The following RASSF3 variants were observed in gnomAD, a reference collection of about 807,000 sequenced individuals.
RASSF3 encodes Ras association domain family member 3.
RASSF3 carries 19 observed loss-of-function variants against 19.9 expected under a neutral mutation model. That is an observed-to-expected ratio of 0.96 (90% CI 0.67 to 1.40). The LOEUF is 1.40. RASSF3 is among the 40% of genes most tolerant of loss of function. The probability of loss-of-function intolerance (pLI) is 0.00; values close to 1 mark genes in which losing one functional copy is unlikely to be tolerated. For synonymous variants in RASSF3, 110 were observed against 104.2 expected, an observed-to-expected ratio of 1.06 and a Z score of -0.34; for missense variants, 306 against 289.8, an observed-to-expected ratio of 1.06 and a Z score of -0.41.
In RASSF3 at chr12:64,541,673, G is replaced by T. The variant is rs183945414; in HGVS notation, c.160G>T (p.Glu54Ter). Residue 54 changes from glutamate (E) to a stop codon, truncating the protein, a stop_gained, in exon 2 of 2, where the codon GAA becomes TAA. Coordinates refer to the RASSF3 transcript ENST00000636333. LOFTEE classifies it high-confidence loss of function. Reference sequence around the variant, plus strand: ...CGTATCAAGCTGCATGCCGACTTCTGAAGTAAGATATTCAATCAAAAAGAA... The same window carrying T: ...CGTATCAAGCTGCATGCCGACTTCTTAAGTAAGATATTCAATCAAAAAGAA... 2.5e-5 allele frequency: 10 copies of T among 398,602 alleles called. No individual in the cohort carries two copies. The highest frequency in any genetic ancestry group is 1.6e-4 in the African/African-American group (8 of 48,750). 24.7% of individuals were successfully genotyped at this position (398,602 alleles called of 1,614,324 possible).
rs550154507 is a variant in RASSF3, at chr12:64,643,543, G to A, written c.111+32800G>A. On this transcript the variant is annotated intron_variant, in intron 1 of 4. Coordinates refer to ENST00000542104, the MANE Select transcript of RASSF3 (RefSeq NM_178169.4). Reference sequence around the variant, plus strand: ...AGCCTGGGCAACCTAGTGAGACCCCGTCTCTTAAAAAAAAAATAAAACCCC... The same window carrying A: ...AGCCTGGGCAACCTAGTGAGACCCCATCTCTTAAAAAAAAAATAAAACCCC... Among the ~76,000 whole-genome samples the A allele has an allele frequency of 4.4e-3, 657 of 150,758 alleles. 7 individuals carry two copies. Among genetic ancestry groups the A allele is most frequent in the African/African-American group, 0.016 (637 of 40,922 alleles).
At chr12:64,514,456 A>ATCTG (rs1024307812) in intron 1 of RASSF3, among the ~76,000 whole-genome samples, 19 of 152,070 alleles carry the variant, frequency 1.2e-4, no homozygotes, top group African/African-American at 4.1e-4. Flanking sequence ...AAGTGCTGAG[A>ATCTG]TTACAGGCGT....
intron 2 of RASSF3, among the ~76,000 whole-genome samples, chr12:64,601,923 C>G (rs1011351987): frequency 3.3e-5 from 5 of 151,912 alleles, no homozygotes; most frequent in African/African-American, 1.2e-4. Context: ...CAAGACCATC[C>G]TGGCTAACAA....
chr12:64,532,668 A>C (rs1868738239), upstream of RASSF3, among the ~76,000 whole-genome samples: 1 of 151,228 alleles, frequency 6.6e-6, no homozygotes, highest in Non-Finnish European at 1.5e-5. Flanking sequence ...ACCAAAAAAA[A>C]AAAAATTTTT....
At chr12:64,521,962 TG>T (rs1868487536) in intron 1 of RASSF3, among the ~76,000 whole-genome samples, 2 of 152,200 alleles carry the variant, frequency 1.3e-5, no homozygotes, top group Non-Finnish European at 2.9e-5. Context: ...TCTGCTGGCT[TG>T]GTTGATTCAT....
intron 1 of RASSF3, among the ~76,000 whole-genome samples, chr12:64,617,319 CAATT>C (rs1310044980): frequency 6.6e-6 from 1 of 152,132 alleles, no homozygotes; most frequent in Admixed American, 6.5e-5. Context: ...ATTTAGTTGA[CAATT>C]TATTGTGTGC....
chr12:64,508,861 A>G (rs927407321), intron 1 of RASSF3, among the ~76,000 whole-genome samples: 10 of 151,840 alleles, frequency 6.6e-5, no homozygotes, highest in Non-Finnish European at 1.0e-4. Context: ...ACTCCAGCCT[A>G]GGCAACAAGA....
chr12:64,554,033 A>G (rs1869211516), intron 2 of RASSF3, among the ~76,000 whole-genome samples: 1 of 151,776 alleles, frequency 6.6e-6, no homozygotes, highest in South Asian at 2.1e-4. Context: ...GGTTAGGACT[A>G]TGCACTTTTG....
At chr12:64,676,728 C>T (rs572217394) in intron 1 of RASSF3, among the ~76,000 whole-genome samples, 1 of 151,800 alleles carries the variant, frequency 6.6e-6, no homozygotes, top group South Asian at 2.1e-4. Context: ...ACCTTGGGCT[C>T]CCAAAATGCT....
intron 1 of RASSF3, among the ~76,000 whole-genome samples, chr12:64,520,553 CACATATATATATATATATAT>C (rs1565831356): frequency 9.8e-5 from 3 of 30,466 alleles, no homozygotes; most frequent in South Asian, 1.5e-3. Context: ...CACACATACA[CACATATATATATATATATAT>C]ATATATATAT....
upstream of RASSF3, among the ~76,000 whole-genome samples, chr12:64,528,643 GA>G (rs1193537985): frequency 6.6e-6 from 1 of 152,188 alleles, no homozygotes; most frequent in Non-Finnish European, 1.5e-5. Flanking sequence ...GGCTACAAAG[GA>G]AACCTCCCTT....
At chr12:64,646,746 ATT>A (rs5798750) in intron 1 of RASSF3, among the ~76,000 whole-genome samples, 79 of 143,874 alleles carry the variant, frequency 5.5e-4, no homozygotes, top group African/African-American at 9.8e-4. Context: ...TTCTCTCTCC[ATT>A]TTTTTTTTTT....
rs1317588597 is a variant in RASSF3, at chr12:64,695,622, C to T, written c.*710C>T. Reference sequence around the variant, plus strand: ...GGAGGTGTTAAACCCATTTTAGGATCGCTTGGTTTCCTGGTGGGTAGAATA... The same window carrying T: ...GGAGGTGTTAAACCCATTTTAGGATTGCTTGGTTTCCTGGTGGGTAGAATA... On this transcript the variant is annotated 3_prime_UTR_variant, in exon 5 of 5. Transcript: ENST00000542104. The T allele has an allele frequency of 6.6e-6, 1 of 152,290 alleles. No homozygotes were observed. The highest frequency in any genetic ancestry group is 2.4e-5 in the African/African-American group (1 of 41,350). 9.4% of individuals were successfully genotyped at this position (152,290 alleles called of 1,614,324 possible).
intron 1 of RASSF3, among the ~76,000 whole-genome samples, chr12:64,660,822 G>T (rs1287255808): frequency 1.3e-5 from 2 of 152,152 alleles, no homozygotes; most frequent in Non-Finnish European, 2.9e-5. Context: ...GTGCTTAGTA[G>T]TCCTTTCCTG....
chr12:64,543,514 GCCGCCCCCCGCTCTCCC>G (rs1240477417), downstream of RASSF3, among the ~76,000 whole-genome samples: 1 of 43,532 alleles, frequency 2.3e-5, no homozygotes, highest in Non-Finnish European at 5.6e-5. Flanking sequence ...CCCTCCCCCC[GCCGCCCCCCGCTCTCCC>G]CCGCCCCCCG....
At chr12:64,630,902 A>G (rs1223615049) in intron 1 of RASSF3, among the ~76,000 whole-genome samples, 1 of 152,164 alleles carries the variant, frequency 6.6e-6, no homozygotes, top group African/African-American at 2.4e-5. Context: ...CAGGCAATCA[A>G]TATATGGCAT....
intron 4 of RASSF3, among the ~76,000 whole-genome samples, chr12:64,691,934 A>G (rs550842358): frequency 6.6e-6 from 1 of 152,148 alleles, no homozygotes; most frequent in African/African-American, 2.4e-5. Context: ...GAAAGTTGAC[A>G]CTCACCATGT....
Position 64,683,500 on chromosome 12 carries a change from G to A in RASSF3, c.112-1287G>A, listed in dbSNP as rs540985056. Among the ~76,000 whole-genome samples, 9 of 152,314 alleles carry A rather than the reference G, an allele frequency of 5.9e-5. 1 individual carries two copies. In the South Asian group the frequency reaches 1.7e-3, roughly 28 times the overall value. ...TAGAGAAGTGGGTGAGACTGGAAGG[G>A]TGGGAAGGAGAAGTCTGGCTACTTG... is the stretch of plus-strand genomic sequence containing the variant. On this transcript the variant is annotated intron_variant, in intron 1 of 4. Transcript: ENST00000542104.
intron 1 of RASSF3, among the ~76,000 whole-genome samples, chr12:64,624,202 A>G (rs768229980): frequency 3.3e-5 from 5 of 151,946 alleles, no homozygotes; most frequent in Admixed American, 6.5e-5. Flanking sequence ...CTTACAATCC[A>G]TTCCTAAAGG....
Sources: allele counts gnomAD v4.1 joint callset (sites outside exome capture counted in the v4.1 genomes callset), GRCh38; gene constraint gnomAD v4.1.1; transcripts MANE v1.5; gene names NCBI Gene and HGNC (gene_info 2026-07-23, HGNC 2026-07-21).